Variants in HS3ST4 observed in about 807,000 individuals in gnomAD.
HS3ST4 encodes the protein heparan sulfate glucosamine 3-O-sulfotransferase 4.
A neutral mutation model predicts 29.2 loss-of-function variants in HS3ST4; 17 were observed. The ratio of observed to expected loss-of-function variants is 0.58; its 90% CI spans 0.40 to 0.87. The LOEUF (loss-of-function observed/expected upper bound fraction) is 0.87. Among genes scored for constraint, HS3ST4 ranks in the 40% least tolerant of loss-of-function variants. HS3ST4 has a pLI of 0.00. For synonymous variants in HS3ST4, 314 were observed against 285.7 expected, an observed-to-expected ratio of 1.10 and a Z score of -1.00; for missense variants, 627 against 634.5, an observed-to-expected ratio of 0.99 and a Z score of 0.13.
intron 1 of HS3ST4, among the ~76,000 whole-genome samples, chr16:25,860,717 G>C (rs1967628125): frequency 6.6e-6 from 1 of 152,162 alleles, no homozygotes; most frequent in African/African-American, 2.4e-5. Context: ...TCTGGGGATA[G>C]GGAGGGTTGA....
At chr16:26,023,200 C>T (rs1180472588) in intron 1 of HS3ST4, among the ~76,000 whole-genome samples, 1 of 151,912 alleles carries the variant, frequency 6.6e-6, no homozygotes, top group Non-Finnish European at 1.5e-5. Context: ...CAGATTATGT[C>T]ATCTTGATGC....
At chr16:25,802,784 T>C (rs1172856910) in intron 1 of HS3ST4, among the ~76,000 whole-genome samples, 3 of 152,056 alleles carry the variant, frequency 2.0e-5, no homozygotes, top group Non-Finnish European at 4.4e-5. Context: ...ATCGTTTCCA[T>C]CTGGGTTGCG....
At chr16:25,693,853 C>T (rs756814941) in intron 1 of HS3ST4, among the ~76,000 whole-genome samples, 1 of 152,204 alleles carries the variant, frequency 6.6e-6, no homozygotes, top group Non-Finnish European at 1.5e-5. Flanking sequence ...CCGCCTCCTT[C>T]GCAACAGATT....
chr16:25,845,964 C>T (rs897310847), intron 1 of HS3ST4, among the ~76,000 whole-genome samples: 3 of 151,862 alleles, frequency 2.0e-5, no homozygotes, highest in South Asian at 4.1e-4. Flanking sequence ...TGTTACTGTT[C>T]GTATTTGGAG....
chr16:26,125,526 C>T (rs1899330607), intron 1 of HS3ST4, among the ~76,000 whole-genome samples: 1 of 152,252 alleles, frequency 6.6e-6, no homozygotes, highest in Non-Finnish European at 1.5e-5. Flanking sequence ...GGACATGGAC[C>T]AGTACTGGTC....
chr16:25,947,819 A>G (rs907484124), intron 1 of HS3ST4, among the ~76,000 whole-genome samples: 1 of 152,080 alleles, frequency 6.6e-6, no homozygotes. Context: ...CTTCGAGGCA[A>G]TGCTTTGTGG....
At chr16:25,762,361 C>G (rs964719376) in intron 1 of HS3ST4, among the ~76,000 whole-genome samples, 1 of 152,082 alleles carries the variant, frequency 6.6e-6, no homozygotes, top group Non-Finnish European at 1.5e-5. Flanking sequence ...TGGAATTTCT[C>G]GCTGGAGAAG....
chr16:25,873,363 TAGCAAGCCA>T lies in HS3ST4; in HGVS notation c.734+180213_734+180221del, dbSNP rs1567261363. Among the ~76,000 whole-genome samples, 13 of 115,564 alleles carry T rather than the reference TAGCAAGCCA, an allele frequency of 1.1e-4. No homozygotes were observed. The South Asian group carries it at 1.6e-3, about 14-fold the overall frequency. 75.8% of individuals were successfully genotyped at this position (115,564 alleles called of 152,430 possible). A position where few individuals can be genotyped will look rare whatever the true frequency, so the allele number is the denominator to read the frequency against. ...TCATCCATCTATCCATCCATCCACC[TAGCAAGCCA>T]TCCAGTCATCCATCCATCCATCCAT... is the stretch of plus-strand genomic sequence containing the variant. On this transcript the variant is annotated intron_variant, in intron 1 of 1. Coordinates refer to ENST00000331351, the MANE Select transcript of HS3ST4 (RefSeq NM_006040.3).
intron 1 of HS3ST4, among the ~76,000 whole-genome samples, chr16:25,972,219 G>A (rs192484175): frequency 7.7e-4 from 117 of 152,310 alleles, no homozygotes; most frequent in Admixed American, 1.8e-3. Context: ...TCTGTAACAG[G>A]CGGTTGTATG....
chr16:25,749,567 GGAAGAAGAA>G, intron 1 of HS3ST4, among the ~76,000 whole-genome samples: 1 of 151,952 alleles, frequency 6.6e-6, no homozygotes, highest in Non-Finnish European at 1.5e-5. Flanking sequence ...GAGAGGAAGA[GGAAGAAGAA>G]GAAGAAGGAG....
intron 1 of HS3ST4, among the ~76,000 whole-genome samples, chr16:25,941,786 C>T (rs542030751): frequency 6.6e-6 from 1 of 151,724 alleles, no homozygotes; most frequent in South Asian, 2.1e-4. Flanking sequence ...CTATGTTGGT[C>T]AGGTTGGTCT....
At chr16:25,855,766 T>G (rs1259462940) in intron 1 of HS3ST4, among the ~76,000 whole-genome samples, 1 of 152,140 alleles carries the variant, frequency 6.6e-6, no homozygotes, top group Non-Finnish European at 1.5e-5. Context: ...TTTAGTCGTT[T>G]GTGGGGGCTT....
intron 1 of HS3ST4, among the ~76,000 whole-genome samples, chr16:25,739,836 T>A (rs753386555): frequency 6.6e-6 from 1 of 152,166 alleles, no homozygotes; most frequent in South Asian, 2.1e-4. Context: ...AAGTGAAAAA[T>A]GCCATTCTGA....
chr16:26,028,249 G>A (rs547371847), intron 1 of HS3ST4, among the ~76,000 whole-genome samples: 4 of 144,132 alleles, frequency 2.8e-5, no homozygotes, highest in East Asian at 4.0e-4. Context: ...CTCTAGCCTG[G>A]GTGACAGAGT....
At chr16:25,953,139 T>A (rs897038930) in intron 1 of HS3ST4, among the ~76,000 whole-genome samples, 1 of 152,218 alleles carries the variant, frequency 6.6e-6, no homozygotes, top group African/African-American at 2.4e-5. Context: ...AGCTGAGCCC[T>A]GGCTTGTCTC....
At chr16:25,892,515 T>C (rs1043568081) in intron 1 of HS3ST4, among the ~76,000 whole-genome samples, 13 of 152,174 alleles carry the variant, frequency 8.5e-5, no homozygotes, top group African/African-American at 3.1e-4. Flanking sequence ...TGTTCAAATA[T>C]GTTGAGAGAA....
At chr16:25,787,408 G>T (rs113144656) in intron 1 of HS3ST4, among the ~76,000 whole-genome samples, 1,928 of 152,310 alleles carry the variant, frequency 0.013, 18 homozygotes, top group Middle Eastern at 0.041. Context: ...CAGTTGAGTG[G>T]AGCTGCCCAC....
intron 1 of HS3ST4, among the ~76,000 whole-genome samples, chr16:25,900,474 G>A (rs1190784514): frequency 6.6e-6 from 1 of 151,764 alleles, no homozygotes; most frequent in Non-Finnish European, 1.5e-5. Context: ...TTTGCTTTTT[G>A]TATCCTAACC....
Position 26,078,281 on chromosome 16 carries a change from C to T in HS3ST4, c.735-57331C>T, listed in dbSNP as rs184259663. On this transcript the variant is annotated intron_variant, in intron 1 of 1. Coordinates refer to ENST00000331351, the MANE Select transcript of HS3ST4 (RefSeq NM_006040.3). The stretch of plus-strand genomic sequence containing the variant: ...CTCAGCCTCTGAGTAGCTGGGACTA[C>T]AGGCGCCCACGACCACATCCAGATA... Among the ~76,000 whole-genome samples the T allele has an allele frequency of 3.5e-3, 538 of 152,276 alleles. 2 individuals are homozygous for T. Among genetic ancestry groups the T allele is most frequent in the African/African-American group, 0.012 (517 of 41,540 alleles).
Sources: gnomAD v4.1 joint callset for allele counts (sites outside exome capture counted in the v4.1 genomes callset) on GRCh38, gnomAD v4.1.1 for gene constraint, MANE v1.5 for transcripts, NCBI Gene and HGNC (gene_info 2026-07-23, HGNC 2026-07-21) for gene names.